The following TRAPPC9 variants were observed in gnomAD, a reference collection of about 807,000 sequenced individuals.
TRAPPC9 encodes the protein trafficking protein particle complex subunit 9.
In TRAPPC9, 83 loss-of-function variants were observed where a neutral mutation model predicts 124.0. The observed-to-expected ratio is 0.67, with a 90% CI of 0.56 to 0.80. The LOEUF (loss-of-function observed/expected upper bound fraction) is 0.80, where lower values mean the gene tolerates loss of function less well. TRAPPC9 is among the 30% of genes least tolerant of loss of function. The pLI is 0.00. For synonymous variants in TRAPPC9, 638 were observed against 617.5 expected (o/e 1.03, Z -0.49); for missense variants, 1,302 against 1,508.3 (o/e 0.86, Z 2.27).
chr8:140,296,869 C>T (rs1211892296), intron 11 of TRAPPC9, among the ~76,000 whole-genome samples: 1 of 152,202 alleles, frequency 6.6e-6, no homozygotes, highest in African/African-American at 2.4e-5. Flanking sequence ...CAGTTCATCA[C>T]CAACCCCAAT....
At chr8:140,298,780 A>G (rs2065884018) in intron 11 of TRAPPC9, among the ~76,000 whole-genome samples, 1 of 152,248 alleles carries the variant, frequency 6.6e-6, no homozygotes, top group Non-Finnish European at 1.5e-5. Flanking sequence ...GTTCTTGGAC[A>G]TGACACTTAA....
chr8:139,801,047 C>T (rs554896256), intron 21 of TRAPPC9, among the ~76,000 whole-genome samples: 12 of 150,512 alleles, frequency 8.0e-5, no homozygotes, highest in South Asian at 6.3e-4. Context: ...TCCCTCCCTC[C>T]GGCACCTTCC....
intron 12 of TRAPPC9, 49 bp downstream of exon 12, chr8:140,290,944 A>C (rs2065636017): frequency 2.1e-6 from 3 of 1,455,778 alleles, no homozygotes; most frequent in African/African-American, 2.8e-5. Context: ...TACTTTAATG[A>C]GAAGTTTGTA....
At chr8:140,336,411 G>A (rs2067042016) in intron 9 of TRAPPC9, among the ~76,000 whole-genome samples, 2 of 152,170 alleles carry the variant, frequency 1.3e-5, no homozygotes, top group Admixed American at 1.3e-4. Context: ...TGTGAACAGG[G>A]AGGCAAAGAA....
intron 8 of TRAPPC9, 114 bp from the exon 9 acceptor site, chr8:140,360,307 T>C: frequency 2.2e-6 from 3 of 1,334,992 alleles, no homozygotes; most frequent in African/African-American, 1.4e-5. Flanking sequence ...ACCACCAAAC[T>C]CCAAGAGCAA....
intron 17 of TRAPPC9, among the ~76,000 whole-genome samples, chr8:140,163,682 A>G (rs894829944): frequency 6.6e-6 from 1 of 152,186 alleles, no homozygotes; most frequent in African/African-American, 2.4e-5. Flanking sequence ...TTCAGAATAC[A>G]TCCAGATTTC....
At chr8:140,292,438 G>A (rs887451309) in intron 11 of TRAPPC9, among the ~76,000 whole-genome samples, 9 of 152,144 alleles carry the variant, frequency 5.9e-5, no homozygotes, top group Non-Finnish European at 8.8e-5. Context: ...GGCAGTGGAG[G>A]GCTTCTTCTC....
intron 21 of TRAPPC9, among the ~76,000 whole-genome samples, chr8:139,780,518 A>C (rs1821732638): frequency 6.6e-6 from 1 of 152,202 alleles, no homozygotes; most frequent in South Asian, 2.1e-4. Context: ...CCCTTCACAA[A>C]GAATTAGCTC....
intron 19 of TRAPPC9, among the ~76,000 whole-genome samples, chr8:139,924,608 G>A (rs1832697727): frequency 6.6e-6 from 1 of 152,182 alleles, no homozygotes; most frequent in South Asian, 2.1e-4. Flanking sequence ...GGAATCGACT[G>A]GTTCTTCAGG....
chr8:140,290,051 A>C (rs762662918), intron 12 of TRAPPC9, among the ~76,000 whole-genome samples: 2 of 151,938 alleles, frequency 1.3e-5, no homozygotes, highest in Non-Finnish European at 2.9e-5. Context: ...CCCTTCCCTG[A>C]CTCTCCAGGG....
At chr8:140,320,566 C>T (rs1336872086) in intron 9 of TRAPPC9, among the ~76,000 whole-genome samples, 1 of 152,182 alleles carries the variant, frequency 6.6e-6, no homozygotes, top group Non-Finnish European at 1.5e-5. Context: ...CCAAGCAGGG[C>T]CCAGCCAAGT....
At chr8:140,113,406 GAC>G (rs2060819466) in intron 17 of TRAPPC9, among the ~76,000 whole-genome samples, 1 of 152,234 alleles carries the variant, frequency 6.6e-6, no homozygotes, top group Non-Finnish European at 1.5e-5. Context: ...AGAATGAAAT[GAC>G]ACAGATGTTT....
At chr8:140,280,017 T>G (rs1184135456) in intron 14 of TRAPPC9, among the ~76,000 whole-genome samples, 1 of 152,254 alleles carries the variant, frequency 6.6e-6, no homozygotes, top group Non-Finnish European at 1.5e-5. Context: ...ATCTCCTTTA[T>G]GAGCTCTCTC....
intron 19 of TRAPPC9, chr8:139,933,104 G>C (rs1467762751): frequency 1.9e-5 from 3 of 154,656 alleles, no homozygotes; most frequent in Non-Finnish European, 4.3e-5. Flanking sequence ...GACTTCCTCA[G>C]TGTTTGTTTT....
intron 15 of TRAPPC9, among the ~76,000 whole-genome samples, chr8:140,255,558 G>A (rs1328784642): frequency 6.6e-6 from 1 of 152,232 alleles, no homozygotes; most frequent in Non-Finnish European, 1.5e-5. Flanking sequence ...TTTAACGACA[G>A]TCTGAGGAAT....
At chr8:139,749,898 C>T (rs1482043796) in intron 21 of TRAPPC9, among the ~76,000 whole-genome samples, 1 of 152,170 alleles carries the variant, frequency 6.6e-6, no homozygotes, top group Non-Finnish European at 1.5e-5. Context: ...CCACAGGCAG[C>T]CTGGAGGTTC....
chr8:139,807,622 C>T (rs1054515647), intron 21 of TRAPPC9, among the ~76,000 whole-genome samples: 3 of 152,134 alleles, frequency 2.0e-5, no homozygotes, highest in Non-Finnish European at 4.4e-5. Context: ...CGAAAGTGTG[C>T]GGAGATTGAA....
chr8:139,843,132 G>A (rs1462776579), intron 21 of TRAPPC9, among the ~76,000 whole-genome samples: 3 of 152,226 alleles, frequency 2.0e-5, no homozygotes, highest in South Asian at 4.1e-4. Context: ...GTGGGCACTC[G>A]ACACATAGGG....
intron 14 of TRAPPC9, 57 bp downstream of exon 14, chr8:140,283,832 T>A (rs1588091032): frequency 6.3e-7 from 1 of 1,586,550 alleles, no homozygotes. Flanking sequence ...AAAAAAAATG[T>A]AGGACCAAAA....
Sources: allele counts gnomAD v4.1 joint callset (sites outside exome capture counted in the v4.1 genomes callset), GRCh38; gene constraint gnomAD v4.1.1; transcripts MANE v1.5; gene names NCBI Gene and HGNC (gene_info 2026-07-23, HGNC 2026-07-21).